The following CREG2 variants were observed in gnomAD, a reference collection of about 807,000 sequenced individuals.
CREG2 encodes the protein cellular repressor of E1A stimulated genes 2, also known as protein CREG2.
Under a neutral mutation model 26.2 loss-of-function variants are expected in CREG2, and 24 were observed. The ratio of observed to expected loss-of-function variants is 0.92; its 90% CI spans 0.66 to 1.29. CREG2 has a LOEUF of 1.29. CREG2 is among the 50% of genes most tolerant of loss of function. CREG2 has a pLI of 0.00. For missense variants in CREG2, 366 were observed against 398.6 expected (o/e 0.92, Z 0.70); for synonymous variants, 174 against 169.2 (o/e 1.03, Z -0.22).
rs1684985208 is a variant in CREG2, at chr2:101,387,160, G to C, written c.298C>G (p.Pro100Ala). ...GAARARPPPA[P>A]PGMFSYRREG... is the part of the protein sequence containing the mutation. Reference sequence around the variant, plus strand: ...CGCCGGTAGGAGAACATCCCGGGTGGCGCGGGGGGCGGCCTGGCCCGGGCG... The same window carrying C: ...CGCCGGTAGGAGAACATCCCGGGTGCCGCGGGGGGCGGCCTGGCCCGGGCG... Residue 100 changes from proline (P) to alanine (A), a missense_variant, in exon 1 of 4, where the codon CCA becomes GCA. This residue lies in a region of CREG2 where 177 missense variants were observed against 183.3 expected (regional missense o/e 0.97). Coordinates refer to ENST00000324768, the MANE Select transcript of CREG2 (RefSeq NM_153836.4). This position sits in a 1 kb window ranked among gnomAD's most constrained non-coding sequence, Gnocchi z 4.7. 2 of 1,270,680 alleles carry C rather than the reference G, an allele frequency of 1.6e-6. No homozygotes were observed. The highest frequency in any genetic ancestry group is 3.0e-4 in the Middle Eastern group (1 of 3,354). The allele number at this position is 1,270,680 out of a possible 1,614,324, so 78.7% of individuals were successfully genotyped here.
chr2:101,370,346 G>A (rs890940521), intron 2 of CREG2, among the ~76,000 whole-genome samples: 2 of 152,094 alleles, frequency 1.3e-5, no homozygotes, highest in Non-Finnish European at 2.9e-5. Flanking sequence ...AGAAACACCT[G>A]TTACTGACCA....
intron 2 of CREG2, among the ~76,000 whole-genome samples, chr2:101,363,058 C>A (rs761325174): frequency 1.4e-4 from 21 of 152,166 alleles, no homozygotes; most frequent in Non-Finnish European, 2.5e-4. Flanking sequence ...GCATACCCAG[C>A]CAGGAGCTTC....
intron 3 of CREG2, 46 bp downstream of exon 3, chr2:101,355,207 A>T: frequency 8.3e-7 from 1 of 1,207,056 alleles, no homozygotes; most frequent in Non-Finnish European, 1.2e-6. Flanking sequence ...TCTGCTTATT[A>T]GTATTGTGTA....
At chr2:101,377,678 T>C (rs1684813546) in intron 2 of CREG2, among the ~76,000 whole-genome samples, 1 of 152,210 alleles carries the variant, frequency 6.6e-6, no homozygotes, top group Non-Finnish European at 1.5e-5. Flanking sequence ...ACTAGACAGT[T>C]ATTCTCCATT....
rs749844560 is a variant in CREG2 at position 101,346,869 on chromosome 2, C to G, written c.*4054G>C. On this transcript the variant is annotated 3_prime_UTR_variant, in exon 4 of 4. Transcript: ENST00000324768. Reference sequence around the variant, plus strand: ...TTCCCCAATGGCACATCTTGCTAAACTACAGTACAATATCCCAACCAGGAT... The same window carrying G: ...TTCCCCAATGGCACATCTTGCTAAAGTACAGTACAATATCCCAACCAGGAT... 2.6e-5 allele frequency: 4 copies of G among 152,156 alleles called. No individual in the cohort carries two copies. The highest frequency in any genetic ancestry group is 5.9e-5 in the Non-Finnish European group (4 of 68,018). The allele number at this position is 152,156 out of a possible 1,614,324, so 9.4% of individuals were successfully genotyped here. A position where few individuals can be genotyped will look rare whatever the true frequency, so the allele number is the denominator to read the frequency against.
At chr2:101,364,557 T>G (rs760390182) in intron 2 of CREG2, among the ~76,000 whole-genome samples, 2 of 152,180 alleles carry the variant, frequency 1.3e-5, no homozygotes, top group Non-Finnish European at 2.9e-5. Flanking sequence ...ATGGGTGTCA[T>G]CTGCAACTGA....
intron 1 of CREG2, among the ~76,000 whole-genome samples, chr2:101,385,786 G>A (rs1387300074): frequency 6.6e-6 from 1 of 152,176 alleles, no homozygotes; most frequent in Admixed American, 6.5e-5. Context: ...AGTACATTGT[G>A]TAAATGCTGT....
At chr2:101,377,136 G>A (rs1385543152) in intron 2 of CREG2, among the ~76,000 whole-genome samples, 3 of 152,002 alleles carry the variant, frequency 2.0e-5, no homozygotes, top group Admixed American at 2.0e-4. Flanking sequence ...AACTCTAAGT[G>A]ATAAATTGTT....
chr2:101,375,533 G>C (rs1052323107), intron 2 of CREG2: 25 of 152,660 alleles, frequency 1.6e-4, no homozygotes, highest in African/African-American at 6.0e-4. Flanking sequence ...GTCTACCTAG[G>C]AAACTAGCAT....
intron 3 of CREG2, 30 bp from the exon 4 acceptor site, chr2:101,351,100 G>C: frequency 6.2e-7 from 1 of 1,608,996 alleles, no homozygotes; most frequent in Non-Finnish European, 8.5e-7. Context: ...CCACAGTAAA[G>C]CTGCTCTTAT....
intron 2 of CREG2, among the ~76,000 whole-genome samples, chr2:101,360,503 C>T (rs4851426): frequency 2.0e-5 from 3 of 152,130 alleles, no homozygotes; most frequent in Non-Finnish European, 4.4e-5. Context: ...GGGAGGCCAA[C>T]GTAGGCAGAT....
intron 2 of CREG2, among the ~76,000 whole-genome samples, chr2:101,369,322 G>A: frequency 6.6e-6 from 1 of 152,120 alleles, no homozygotes; most frequent in East Asian, 1.9e-4. Flanking sequence ...CTGGGTGGGG[G>A]TGTGAGAGGG....
intron 2 of CREG2, among the ~76,000 whole-genome samples, chr2:101,363,640 A>G (rs1684576538): frequency 6.6e-6 from 1 of 152,196 alleles, no homozygotes; most frequent in Admixed American, 6.5e-5. Context: ...ATATAAACAT[A>G]CTGAACAAAT....
In CREG2 at chr2:101,350,203, C is replaced by G. The variant is rs1254965477; in HGVS notation, c.*720G>C. ...TGTTCATGCATGAGAGAGGGGAACCCTTGCCAGAAGTATGAGCAGCAGGGA... is the reference window on the plus strand; with the variant it reads ...TGTTCATGCATGAGAGAGGGGAACCGTTGCCAGAAGTATGAGCAGCAGGGA... On this transcript the variant is annotated 3_prime_UTR_variant, in exon 4 of 4. Transcript: ENST00000324768. The G allele has an allele frequency of 1.3e-5, 2 of 152,178 alleles. No homozygotes were observed. The highest frequency in any genetic ancestry group is 2.9e-5 in the Non-Finnish European group (2 of 68,030). The allele number at this position is 152,178 out of a possible 1,614,324, so 9.4% of individuals were successfully genotyped here. A position where few individuals can be genotyped will look rare whatever the true frequency, so the allele number is the denominator to read the frequency against.
rs1385616933 is a variant in CREG2 at position 101,387,423 on chromosome 2, G to C, written c.35C>G (p.Pro12Arg). 19 of 1,233,868 alleles carry C rather than the reference G, an allele frequency of 1.5e-5. No homozygotes were observed. In the African/African-American group the frequency reaches 2.9e-4, roughly 19 times the overall value. The allele number at this position is 1,233,868 out of a possible 1,614,324, so 76.4% of individuals were successfully genotyped here. Residue 12 changes from proline to arginine, a missense_variant, in exon 1 of 4, where the codon CCG (proline) becomes CGG (arginine). Transcript: ENST00000324768. This position sits in a 1 kb window ranked among gnomAD's most constrained non-coding sequence, Gnocchi z 4.7. ...SVRRGRRPAR[P>R]GTRLSWLLCC... ...CAGCAGCCAGGAGAGGCGGGTCCCC[G>C]GCCGCGCCGGCCGCCGGCCGCGGCG...
rs1307160587 is a variant in CREG2, at chr2:101,347,848, C to G, written c.*3075G>C. 6.6e-6 allele frequency: 1 copy of G among 152,106 alleles called. No homozygotes were observed. The highest frequency in any genetic ancestry group is 1.5e-5 in the Non-Finnish European group (1 of 68,004). 9.4% of individuals were successfully genotyped at this position (152,106 alleles called of 1,614,324 possible). ...GATGAAGTTTAATTTATCAAATTTTCTTTTATGAATTGTGCTTTTGGTATC... is the reference window on the plus strand; with the variant it reads ...GATGAAGTTTAATTTATCAAATTTTGTTTTATGAATTGTGCTTTTGGTATC... On this transcript the variant is annotated 3_prime_UTR_variant, in exon 4 of 4. Coordinates refer to ENST00000324768, the MANE Select transcript of CREG2 (RefSeq NM_153836.4).
At chr2:101,354,280 A>T (rs953649394) in intron 3 of CREG2, among the ~76,000 whole-genome samples, 2 of 152,186 alleles carry the variant, frequency 1.3e-5, no homozygotes, top group African/African-American at 4.8e-5. Context: ...AATAAAAAAT[A>T]AAAACGTTTG....
At chr2:101,386,560 C>T (rs1406925387) in intron 1 of CREG2, among the ~76,000 whole-genome samples, 1 of 152,236 alleles carries the variant, frequency 6.6e-6, no homozygotes, top group African/African-American at 2.4e-5. Flanking sequence ...TCGAAGCCCT[C>T]GTGCTCTCTC....
At position 101,363,173 on chromosome 2, in the gene CREG2, G is replaced by A. The variant is rs1684568094; in HGVS notation, c.612-7807C>T. Among the ~76,000 whole-genome samples the A allele has an allele frequency of 2.0e-5, 3 of 152,202 alleles. No individual in the cohort carries two copies. The South Asian group carries it at 6.2e-4, about 31-fold the overall frequency. ...TCAAATATCTGTTCTTAGCGGGTGG[G>A]TTTCATGCCCAAGGCATGGACGCCA... is the stretch of plus-strand genomic sequence containing the variant. On this transcript the variant is annotated intron_variant, in intron 2 of 3. Transcript: ENST00000324768.
Sources: gnomAD v4.1 joint callset for allele counts (sites outside exome capture counted in the v4.1 genomes callset) on GRCh38, gnomAD v4.1.1 for gene constraint, gnomAD v4.1.1 regional missense constraint, Gnocchi (gnomAD v3.1) non-coding constraint, MANE v1.5 for transcripts, NCBI Gene and HGNC (gene_info 2026-07-23, HGNC 2026-07-21) for gene names.